The following ME1 variants were observed in gnomAD, a reference collection of about 807,000 sequenced individuals.
The protein encoded by ME1 is malic enzyme 1, also known as NADP-dependent malic enzyme.
A neutral mutation model predicts 66.4 loss-of-function variants in ME1; 74 were observed. That is an observed-to-expected ratio of 1.11 (90% CI 0.92 to 1.35). ME1 has a LOEUF of 1.35. Ranked by LOEUF, ME1 falls within the 40% of genes most tolerant of loss-of-function variation. The pLI is 0.00. For synonymous variants in ME1, 251 were observed against 235.6 expected, an observed-to-expected ratio of 1.07 and a Z score of -0.60; for missense variants, 750 against 694.1, an observed-to-expected ratio of 1.08 and a Z score of -0.90.
intron 13 of ME1, among the ~76,000 whole-genome samples, chr6:83,214,789 C>T (rs1045016102): frequency 5.9e-5 from 9 of 152,048 alleles, no homozygotes; most frequent in Admixed American, 5.9e-4. Context: ...TTGAATGTGC[C>T]ATTGATACCT....
intron 6 of ME1, among the ~76,000 whole-genome samples, chr6:83,300,761 G>A (rs1478875985): frequency 6.6e-6 from 1 of 151,396 alleles, no homozygotes; most frequent in Non-Finnish European, 1.5e-5. Flanking sequence ...TGTTTATTGC[G>A]GCACTATTCA....
At chr6:83,297,526 T>C (rs141911095) in intron 6 of ME1, among the ~76,000 whole-genome samples, 7 of 152,228 alleles carry the variant, frequency 4.6e-5, no homozygotes, top group African/African-American at 1.7e-4. Context: ...AAGAGACTAA[T>C]GGAACAGTGT....
intron 6 of ME1, among the ~76,000 whole-genome samples, chr6:83,307,919 C>T (rs1767855863): frequency 6.6e-6 from 1 of 152,066 alleles, no homozygotes; most frequent in Non-Finnish European, 1.5e-5. Context: ...TGATAATTCA[C>T]AGGCTATATA....
In ME1 at chr6:83,212,092, A is replaced by T. The variant is rs762460529; in HGVS notation, c.1551T>A (p.Ile517=). The part of the protein sequence containing the change: ...RDVSLKIAEK[I]VKDAYQEKTA... The stretch of plus-strand genomic sequence containing the variant: ...TCTTTTCTTGGTATGCATCTTTCAC[A>T]ATCTAGATATAAGAAAAGAATATTA... Residue 517 remains isoleucine (I), a splice_region_variant and synonymous_variant, in exon 14 of 14, where the codon ATT becomes ATA. Coordinates refer to ENST00000369705, the MANE Select transcript of ME1 (RefSeq NM_002395.6). 6.3e-7 allele frequency: 1 copy of T among 1,596,330 alleles called. No individual in the cohort carries two copies. Among genetic ancestry groups the T allele is most frequent in the Non-Finnish European group, 8.6e-7 (1 of 1,169,020 alleles).
At chr6:83,306,995 T>C (rs764670649) in intron 6 of ME1, among the ~76,000 whole-genome samples, 1 of 151,806 alleles carries the variant, frequency 6.6e-6, no homozygotes, top group African/African-American at 2.4e-5. Flanking sequence ...AAAGGAAGAG[T>C]TGTAAACCAT....
intron 5 of ME1, among the ~76,000 whole-genome samples, chr6:83,320,909 C>T (rs2128540288): frequency 6.6e-6 from 1 of 152,270 alleles, no homozygotes; most frequent in East Asian, 1.9e-4. Context: ...CCCAGCAAGA[C>T]CAATGCAGAA....
At chr6:83,225,418 A>G (rs1790176892) in intron 11 of ME1, among the ~76,000 whole-genome samples, 1 of 152,064 alleles carries the variant, frequency 6.6e-6, no homozygotes, top group Non-Finnish European at 1.5e-5. Flanking sequence ...TCAAATCCCC[A>G]AGGCATAGTT....
intron 3 of ME1, among the ~76,000 whole-genome samples, chr6:83,378,632 T>A (rs1472599073): frequency 6.6e-6 from 1 of 151,992 alleles, no homozygotes; most frequent in Non-Finnish European, 1.5e-5. Context: ...ATTTGTCCAT[T>A]GATTGGAGAA....
chr6:83,247,967 A>G (rs1790655104), intron 7 of ME1, among the ~76,000 whole-genome samples: 1 of 152,138 alleles, frequency 6.6e-6, no homozygotes, highest in East Asian at 1.9e-4. Flanking sequence ...TAGTTATTTA[A>G]TGCCTCCATT....
At chr6:83,366,137 C>T (rs1187710805) in intron 3 of ME1, among the ~76,000 whole-genome samples, 5 of 152,232 alleles carry the variant, frequency 3.3e-5, no homozygotes, top group South Asian at 2.1e-4. Flanking sequence ...GGTTCCCACC[C>T]TGTTCTTGGC....
intron 7 of ME1, among the ~76,000 whole-genome samples, chr6:83,243,431 T>C (rs1453431020): frequency 8.0e-6 from 1 of 125,364 alleles, no homozygotes. Flanking sequence ...ATTTATATAT[T>C]TATATAATAT....
intron 1 of ME1, among the ~76,000 whole-genome samples, chr6:83,417,370 T>TTTGTTG (rs34696787): frequency 0.038 from 5,691 of 149,852 alleles, 324 homozygotes; most frequent in African/African-American, 0.13. Flanking sequence ...TTTGTTGTTT[T>TTTGTTG]TTGTTGTTGT....
chr6:83,361,217 A>G (rs1416798091), intron 3 of ME1, among the ~76,000 whole-genome samples: 1 of 152,224 alleles, frequency 6.6e-6, no homozygotes, highest in Non-Finnish European at 1.5e-5. Context: ...ACTAAAATTC[A>G]GTGATCACCT....
chr6:83,238,488 C>T (rs1212672372), intron 8 of ME1, among the ~76,000 whole-genome samples: 1 of 152,014 alleles, frequency 6.6e-6, no homozygotes. Flanking sequence ...TTCATCAAAC[C>T]CTTTGAAAAT....
At chr6:83,271,398 G>T (rs1283124536) in intron 6 of ME1, among the ~76,000 whole-genome samples, 1 of 152,162 alleles carries the variant, frequency 6.6e-6, no homozygotes, top group Non-Finnish European at 1.5e-5. Flanking sequence ...GGCTACAACT[G>T]AGTCACATGG....
At chr6:83,386,889 A>T (rs1456755006) in intron 3 of ME1, among the ~76,000 whole-genome samples, 1 of 152,006 alleles carries the variant, frequency 6.6e-6, no homozygotes, top group Non-Finnish European at 1.5e-5. Context: ...GAGGGTCCTT[A>T]CTGGAAAGCA....
At position 83,212,062 on chromosome 6, in the gene ME1, G is replaced by A; in HGVS notation, c.1581C>T (p.Ala527=). The change falls in exon 14 of 14, where the codon GCC becomes GCT. Residue 527 remains alanine, a synonymous_variant. Transcript: ENST00000369705. ...IVKDAYQEKT[A]TVYPEPQNKE... is the part of the protein sequence containing the mutation. ...TGTTTTGCGGTTCAGGATAAACTGT[G>A]GCTGTCTTTTCTTGGTATGCATCTT... 6.2e-7 allele frequency: 1 copy of A among 1,608,946 alleles called. No individual in the cohort carries two copies. The highest frequency in any genetic ancestry group is 2.2e-5 in the East Asian group (1 of 44,650).
intron 6 of ME1, among the ~76,000 whole-genome samples, chr6:83,288,441 T>G (rs1170329): frequency 0.35 from 52,960 of 151,888 alleles, 9,442 homozygotes; most frequent in Middle Eastern, 0.49. Context: ...TGTGTGTCAG[T>G]TTTGTCAAAG....
intron 6 of ME1, among the ~76,000 whole-genome samples, chr6:83,292,749 GT>G (rs1767527395): frequency 6.6e-6 from 1 of 152,228 alleles, no homozygotes; most frequent in Non-Finnish European, 1.5e-5. Context: ...TAGAGAGGCA[GT>G]AGGCCTTGCT....
Sources: gnomAD v4.1 joint callset for allele counts (sites outside exome capture counted in the v4.1 genomes callset) on GRCh38, gnomAD v4.1.1 for gene constraint, MANE v1.5 for transcripts, NCBI Gene and HGNC (gene_info 2026-07-23, HGNC 2026-07-21) for gene names.